Variants in ATG2B observed in about 807,000 individuals in gnomAD.
ATG2B encodes the protein autophagy related 2B.
Under a neutral mutation model 241.3 loss-of-function variants are expected in ATG2B, and 121 were observed. The observed-to-expected ratio is 0.50, with a 90% CI of 0.43 to 0.58. ATG2B has a LOEUF of 0.58. ATG2B is among the 20% of genes least tolerant of loss of function. ATG2B has a pLI of 0.00. For missense variants in ATG2B, 2,306 were observed against 2,491.6 expected, an observed-to-expected ratio of 0.93 and a Z score of 1.59; for synonymous variants, 858 against 876.6, an observed-to-expected ratio of 0.98 and a Z score of 0.37.
At chr14:96,322,089 C>CA (rs965921273) in intron 18 of ATG2B, 23 bp downstream of exon 18, 2 of 1,477,332 alleles carry the variant, frequency 1.4e-6, no homozygotes, top group African/African-American at 3.0e-5. Context: ...TCCAAAGATT[C>CA]AACTAAATGT....
chr14:96,311,951 A>T, intron 26 of ATG2B, 138 bp downstream of exon 26: 1 of 695,454 alleles, frequency 1.4e-6, no homozygotes, highest in Non-Finnish European at 2.5e-6. Context: ...CTATATACTT[A>T]AAGACCCTTT....
At chr14:96,319,579 GA>G (rs966895491) in intron 18 of ATG2B, among the ~76,000 whole-genome samples, 1 of 150,042 alleles carries the variant, frequency 6.7e-6, no homozygotes, top group African/African-American at 2.5e-5. Flanking sequence ...CTCCTGCTCA[GA>G]AAAAAAAATG....
rs750400999 is a variant in ATG2B, at chr14:96,329,504, C to T, written c.1861G>A (p.Val621Ile). 1 of 1,611,282 alleles carries T rather than the reference C, an allele frequency of 6.2e-7. No individual in the cohort carries two copies. The highest frequency in any genetic ancestry group is 1.7e-5 in the Admixed American group (1 of 59,822). The change falls in exon 12 of 42, where the codon GTT (valine) becomes ATT (isoleucine). Residue 621 changes from valine (V) to isoleucine (I), a missense_variant. By Grantham distance (29) the Val-to-Ile change is conservative (BLOSUM62 3). This residue lies in a region of ATG2B where 1,927 missense variants were observed against 2,011.2 expected (regional missense o/e 0.96). Coordinates refer to ENST00000359933, the MANE Select transcript of ATG2B (RefSeq NM_018036.7). ...ECLFPTDFHSVPPHYTELLTF... is the reference protein window; with the variant it reads ...ECLFPTDFHSIPPHYTELLTF... ...TTTACCTCTGTATAGTGAGGAGGAA[C>T]AGAATGAAAATCAGTTGGAAATAGG...
chr14:96,316,406 C>T, intron 21 of ATG2B, 127 bp downstream of exon 21: 2 of 904,064 alleles, frequency 2.2e-6, no homozygotes, highest in Non-Finnish European at 3.3e-6. Context: ...ACTTTGACAG[C>T]AGAATGAGAG....
chr14:96,315,684 A>AAT (rs1402521204), intron 21 of ATG2B, 101 bp from the exon 22 acceptor site: 1 of 839,302 alleles, frequency 1.2e-6, no homozygotes, highest in East Asian at 2.6e-5. Context: ...ACTTCCACTG[A>AAT]ATATAACTTA....
chr14:96,304,663 A>G, intron 31 of ATG2B, 60 bp from the exon 32 acceptor site: 1 of 1,263,722 alleles, frequency 7.9e-7, no homozygotes. Flanking sequence ...AAGAAAGTCA[A>G]TGAATGACAT....
intron 29 of ATG2B, among the ~76,000 whole-genome samples, chr14:96,308,265 T>TAC (rs1950079735): frequency 7.7e-5 from 2 of 26,134 alleles, no homozygotes; most frequent in African/African-American, 1.3e-4. Context: ...CACATATATA[T>TAC]ATATATATAT....
Position 96,279,295 on chromosome 14 carries a change from A to G in ATG2B, c.*6460T>C, listed in dbSNP as rs1306016635. 1 of 152,228 alleles carries G rather than the reference A, an allele frequency of 6.6e-6. No homozygotes were observed. Among genetic ancestry groups the G allele is most frequent in the East Asian group, 1.9e-4 (1 of 5,196 alleles). 9.4% of individuals were successfully genotyped at this position (152,228 alleles called of 1,614,324 possible). On this transcript the variant is annotated 3_prime_UTR_variant, in exon 42 of 42. Transcript: ENST00000359933. ...GAAAACGTGAGCTTACATTGAATAAAGGACATCTGTAAGTAGTAATCATGT... is the reference window on the plus strand; with the variant it reads ...GAAAACGTGAGCTTACATTGAATAAGGGACATCTGTAAGTAGTAATCATGT...
rs1566712606 is a variant in ATG2B, at chr14:96,289,843, G to A, written c.5857-38C>T. 6.2e-7 allele frequency: 1 copy of A among 1,611,452 alleles called. No homozygotes were observed. The highest frequency in any genetic ancestry group is 8.5e-7 in the Non-Finnish European group (1 of 1,178,288). On this transcript the variant is annotated intron_variant, in intron 40 of 41. Coordinates refer to ENST00000359933, the MANE Select transcript of ATG2B (RefSeq NM_018036.7). The surrounding 1 kb of genome is among the most constrained non-coding windows in gnomAD (Gnocchi z 4.3). ...GTCAAAAGGAAGAAATGAATTAGAA[G>A]AAAGTCTGAAGAGTTACGGACCAGC...
chr14:96,336,892 T>A (rs2139886905), intron 6 of ATG2B, among the ~76,000 whole-genome samples: 1 of 152,302 alleles, frequency 6.6e-6, no homozygotes, highest in African/African-American at 2.4e-5. Flanking sequence ...TTTTGCACCA[T>A]CTGAAGAAGG....
Position 96,325,693 on chromosome 14 carries a change from G to T in ATG2B, c.2393C>A (p.Thr798Asn). Residue 798 changes from threonine (T) to asparagine (N), a missense_variant, in exon 15 of 42, where the codon ACC (threonine) becomes AAC (asparagine). Thr to Asn is a moderately conservative substitution (Grantham distance 65). Around this residue, in one of 2 missense-constraint regions of ATG2B, gnomAD observed 1,927 missense variants for 2,011.2 expected, o/e 0.96. Transcript: ENST00000359933. ...AAGTTCCAATTTAATTTGTTCTGGGGTTGATCCTCCTATAAATTCAGTCTT... is the reference window on the plus strand; with the variant it reads ...AAGTTCCAATTTAATTTGTTCTGGGTTTGATCCTCCTATAAATTCAGTCTT... ...EFKTEFIGGS[T>N]PEQIKLELTF... 1 of 1,613,704 alleles carries T rather than the reference G, an allele frequency of 6.2e-7. No homozygotes were observed. The highest frequency in any genetic ancestry group is 1.1e-5 in the South Asian group (1 of 91,068).
At chr14:96,303,368 A>G (rs543240621) in intron 32 of ATG2B, 113 bp from the exon 33 acceptor site, 1 of 827,600 alleles carries the variant, frequency 1.2e-6, no homozygotes, top group African/African-American at 1.8e-5. Flanking sequence ...ATTCTACCTC[A>G]GCTTACAATT....
At chr14:96,313,256 T>G in intron 24 of ATG2B, 73 bp downstream of exon 24, 2 of 1,371,088 alleles carry the variant, frequency 1.5e-6, no homozygotes, top group Non-Finnish European at 2.0e-6. Context: ...TTAACTCTAC[T>G]GAATTATGTA....
intron 16 of ATG2B, among the ~76,000 whole-genome samples, 177 bp from the exon 17 acceptor site, chr14:96,322,912 AG>A (rs1566725190): frequency 6.6e-6 from 1 of 152,218 alleles, no homozygotes; most frequent in African/African-American, 2.4e-5. Context: ...TAAACTTACA[AG>A]TGTGGAACTG....
chr14:96,301,085 T>C (rs1301151513), intron 34 of ATG2B, among the ~76,000 whole-genome samples: 1 of 152,278 alleles, frequency 6.6e-6, no homozygotes, highest in Non-Finnish European at 1.5e-5. Flanking sequence ...ACTCCATTTA[T>C]GTTCTGCAAT....
intron 14 of ATG2B, among the ~76,000 whole-genome samples, chr14:96,327,817 C>G (rs1229511869): frequency 1.3e-5 from 2 of 151,880 alleles, no homozygotes; most frequent in African/African-American, 2.4e-5. Context: ...TCTTCATAAC[C>G]ATCATTTTCT....
chr14:96,349,474 A>T (rs1196541073), intron 1 of ATG2B, among the ~76,000 whole-genome samples: 2 of 152,202 alleles, frequency 1.3e-5, no homozygotes, highest in East Asian at 1.9e-4. Context: ...TACAGCATGA[A>T]GGGAAGATGC....
At chr14:96,296,247 A>G (rs554576665) in intron 34 of ATG2B, among the ~76,000 whole-genome samples, 29 of 152,324 alleles carry the variant, frequency 1.9e-4, no homozygotes, top group African/African-American at 6.7e-4. Context: ...ATCATTGAAC[A>G]TGATATTCAA....
rs1886310438 is a variant in ATG2B, at chr14:96,285,525, T to C, written c.*230A>G. On this transcript the variant is annotated 3_prime_UTR_variant, in exon 42 of 42. Transcript: ENST00000359933. The surrounding 1 kb of genome is among the most constrained non-coding windows in gnomAD (Gnocchi z 4.2). ...CTTCCACTAACTTGGCAGCAAATGC[T>C]TTAAGGACCTTTGACACCAGCCACC... The C allele has an allele frequency of 5.5e-6, 3 of 548,402 alleles. No homozygotes were observed. In the East Asian group the frequency reaches 9.3e-5, roughly 17 times the overall value. 34.0% of individuals were successfully genotyped at this position (548,402 alleles called of 1,614,324 possible).
Sources: gnomAD v4.1 joint callset for allele counts (sites outside exome capture counted in the v4.1 genomes callset) on GRCh38, gnomAD v4.1.1 for gene constraint, gnomAD v4.1.1 regional missense constraint, Gnocchi (gnomAD v3.1) non-coding constraint, MANE v1.5 for transcripts, NCBI Gene and HGNC (gene_info 2026-07-23, HGNC 2026-07-21) for gene names.